TNNI3K: variants seen among roughly 807,000 people sequenced by gnomAD.
The protein encoded by TNNI3K is TNNI3 interacting kinase, also known as serine/threonine-protein kinase TNNI3K.
TNNI3K carries 140 observed loss-of-function variants against 114.5 expected under a neutral mutation model. That is an observed-to-expected ratio of 1.22 (90% CI 1.07 to 1.41). The LOEUF is 1.41. Ranked by LOEUF, TNNI3K falls within the 40% of genes most tolerant of loss-of-function variation. The pLI is 0.00. For missense variants in TNNI3K, 1,125 were observed against 1,007.6 expected (o/e 1.12, Z -1.58); for synonymous variants, 347 against 347.5 (o/e 1.00, Z 0.02).
chr1:74,415,430 G>C (rs914830047), intron 17 of TNNI3K, among the ~76,000 whole-genome samples: 1 of 152,070 alleles, frequency 6.6e-6, no homozygotes, highest in African/African-American at 2.4e-5. Flanking sequence ...TATGTATTTT[G>C]TTCACTGCTA....
intron 21 of TNNI3K, among the ~76,000 whole-genome samples, chr1:74,466,539 G>A (rs781342425): frequency 1.2e-4 from 18 of 152,216 alleles, no homozygotes; most frequent in Admixed American, 8.5e-4. Context: ...AAGTTTGTCA[G>A]CACGGAGTCT....
chr1:74,428,765 T>A (rs1665755752), intron 17 of TNNI3K, among the ~76,000 whole-genome samples: 1 of 152,054 alleles, frequency 6.6e-6, no homozygotes, highest in South Asian at 2.1e-4. Flanking sequence ...TGAGATCTCA[T>A]TTCTGCAAAA....
intron 17 of TNNI3K, among the ~76,000 whole-genome samples, chr1:74,406,434 T>A (rs45451493): frequency 0.044 from 6,643 of 152,276 alleles, 202 homozygotes; most frequent in Admixed American, 0.06. Flanking sequence ...TGGGCACCCC[T>A]GCTCTAGAGG....
chr1:74,523,449 T>TA (rs397762623), intron 23 of TNNI3K, among the ~76,000 whole-genome samples: 2 of 152,046 alleles, frequency 1.3e-5, no homozygotes, highest in Non-Finnish European at 2.9e-5. Flanking sequence ...TTCTTTTTTT[T>TA]AATTTTCTTT....
At chr1:74,499,118 G>T (rs1455274920) in intron 23 of TNNI3K, among the ~76,000 whole-genome samples, 1 of 152,084 alleles carries the variant, frequency 6.6e-6, no homozygotes, top group Non-Finnish European at 1.5e-5. Context: ...GTGCACACTG[G>T]GTTACAAGGG....
intron 5 of TNNI3K, among the ~76,000 whole-genome samples, chr1:74,315,857 G>A (rs1659275648): frequency 6.6e-6 from 1 of 151,966 alleles, no homozygotes; most frequent in African/African-American, 2.4e-5. Flanking sequence ...TTATACTGTA[G>A]GAGATATAAA....
At chr1:74,335,936 G>A in intron 6 of TNNI3K, 75 bp from the exon 7 acceptor site, 2 of 1,474,618 alleles carry the variant, frequency 1.4e-6, no homozygotes, top group Non-Finnish European at 1.8e-6. Flanking sequence ...AGCCAGTTGT[G>A]TTCTTGTATA....
At chr1:74,321,781 A>G (rs1659622213) in intron 5 of TNNI3K, among the ~76,000 whole-genome samples, 1 of 152,078 alleles carries the variant, frequency 6.6e-6, no homozygotes, top group East Asian at 1.9e-4. Flanking sequence ...AAAAGACCTC[A>G]TTTCTGTGAC....
chr1:74,360,422 C>G (rs998616175), intron 11 of TNNI3K, among the ~76,000 whole-genome samples: 2 of 152,042 alleles, frequency 1.3e-5, no homozygotes, highest in Non-Finnish European at 2.9e-5. Context: ...CAACCATCAT[C>G]ATATTCGCTA....
chr1:74,446,749 T>G (rs1324215328), intron 20 of TNNI3K, among the ~76,000 whole-genome samples: 1 of 143,906 alleles, frequency 6.9e-6, no homozygotes, highest in Non-Finnish European at 1.5e-5. Flanking sequence ...AGTTTCAGCT[T>G]TCTACATATG....
intron 17 of TNNI3K, among the ~76,000 whole-genome samples, chr1:74,380,342 A>C (rs1663136631): frequency 6.6e-6 from 1 of 152,194 alleles, no homozygotes; most frequent in South Asian, 2.1e-4. Context: ...GGAACCTGGC[A>C]ACAGGATTTC....
chr1:74,507,816 T>C (rs1669982497), intron 23 of TNNI3K, among the ~76,000 whole-genome samples: 1 of 152,220 alleles, frequency 6.6e-6, no homozygotes, highest in Admixed American at 6.5e-5. Flanking sequence ...CTTAGGAACT[T>C]AAGTACCTTT....
intron 21 of TNNI3K, among the ~76,000 whole-genome samples, chr1:74,484,699 T>C (rs934139616): frequency 2.6e-5 from 4 of 151,694 alleles, no homozygotes; most frequent in Non-Finnish European, 5.9e-5. Context: ...CAGAGTGGAG[T>C]GTGTAAGAGG....
chr1:74,367,964 G>T lies in TNNI3K; in HGVS notation c.1321G>T (p.Glu441Ter), dbSNP rs150585536. The change falls in exon 13 of 25, where the codon GAG (glutamate) becomes TAG (stop). Residue 441 changes from glutamate (E) to a stop codon, truncating the protein, a stop_gained and splice_region_variant. Transcript: ENST00000326637. LOFTEE classifies it high-confidence loss of function. ...GGGGAAGATTAAAAGCATGACAAAA[G>T]GTACCTATAATCTGGGACAATTGTT... Reference protein sequence around the residue: ...PLGKIKSMTKEKADILLLRAG... With the variant: ...PLGKIKSMTK 7 of 1,558,262 alleles carry T rather than the reference G, an allele frequency of 4.5e-6. No homozygotes were observed. The East Asian group carries it at 1.7e-4, about 38-fold the overall frequency.
chr1:74,394,234 T>C (rs949091048), intron 17 of TNNI3K, among the ~76,000 whole-genome samples: 2 of 152,218 alleles, frequency 1.3e-5, no homozygotes, highest in African/African-American at 4.8e-5. Context: ...CACCAGATGT[T>C]TCAAATCAGT....
chr1:74,398,386 C>T (rs1664192426), intron 17 of TNNI3K, among the ~76,000 whole-genome samples: 1 of 152,046 alleles, frequency 6.6e-6, no homozygotes. Flanking sequence ...TGATGCAATA[C>T]CAAGAATTAT....
rs148131038 is a variant in TNNI3K at position 74,353,293 on chromosome 1, C to G, written c.960C>G (p.Asp320Glu). The change falls in exon 10 of 25, where the codon GAC becomes GAG. Residue 320 changes from aspartate (D) to glutamate (E), a missense_variant. By Grantham distance (45) the Asp-to-Glu change is conservative. Coordinates refer to ENST00000326637, the MANE Select transcript of TNNI3K (RefSeq NM_015978.3). ...CTTGTACCTATGGCAAGAGCATTGA[C>G]CTAGTCAAATTTCTTCTTGATCAGA... ...HSACTYGKSI[D>E]LVKFLLDQNV... 3.3e-5 allele frequency: 53 copies of G among 1,613,070 alleles called. 1 individual carries two copies. Among genetic ancestry groups the G allele is most frequent in the Non-Finnish European group, 3.9e-5 (46 of 1,179,794 alleles).
At chr1:74,242,228 G>T (rs1423937422) in intron 2 of TNNI3K, among the ~76,000 whole-genome samples, 1 of 151,980 alleles carries the variant, frequency 6.6e-6, no homozygotes, top group Non-Finnish European at 1.5e-5. Flanking sequence ...GATACATCTT[G>T]GTCAGTAATT....
chr1:74,381,553 C>T (rs1034111571), intron 17 of TNNI3K, among the ~76,000 whole-genome samples: 3 of 152,016 alleles, frequency 2.0e-5, no homozygotes, highest in Non-Finnish European at 2.9e-5. Flanking sequence ...ATAATTTCTT[C>T]TTGCCCTAAA....
Sources: allele counts gnomAD v4.1 joint callset (sites outside exome capture counted in the v4.1 genomes callset), GRCh38; gene constraint gnomAD v4.1.1; transcripts MANE v1.5; gene names NCBI Gene and HGNC (gene_info 2026-07-23, HGNC 2026-07-21).